Variants in SCARB2 observed in about 807,000 individuals in gnomAD.
SCARB2 encodes the protein scavenger receptor class B member 2.
SCARB2 carries 29 observed loss-of-function variants against 58.6 expected under a neutral mutation model. The observed-to-expected ratio is 0.49, with a 90% CI of 0.37 to 0.67. The LOEUF (loss-of-function observed/expected upper bound fraction) is 0.67. SCARB2 is among the 30% of genes least tolerant of loss of function. The probability of loss-of-function intolerance (pLI) is 0.00; values close to 1 mark genes in which losing one functional copy is unlikely to be tolerated. For missense variants in SCARB2, 488 were observed against 578.5 expected, an observed-to-expected ratio of 0.84 and a Z score of 1.60; for synonymous variants, 195 against 210.1, an observed-to-expected ratio of 0.93 and a Z score of 0.62.
rs144516817 is a variant in SCARB2, at chr4:76,188,286, T to G, written c.276-7185A>C. 1.1e-4 allele frequency among the ~76,000 whole-genome samples: 17 copies of G among 152,374 alleles called. No individual in the cohort carries two copies. The East Asian group carries it at 3.1e-3, about 28-fold the overall frequency. On this transcript the variant is annotated intron_variant, in intron 2 of 11. Coordinates refer to ENST00000264896, the MANE Select transcript of SCARB2 (RefSeq NM_005506.4). ...AAAGGATCATGAGGCCAATGAGCCT[T>G]GTATTCACAGACCCATTCCAGGGCT... is the stretch of plus-strand genomic sequence containing the variant.
intron 1 of SCARB2, among the ~76,000 whole-genome samples, chr4:76,227,058 T>C (rs1269171037): frequency 1.3e-5 from 2 of 152,164 alleles, no homozygotes; most frequent in Non-Finnish European, 2.9e-5. Flanking sequence ...ATTTCTTTTC[T>C]TCTGCTGGGT....
At chr4:76,181,233 T>G in intron 2 of SCARB2, 132 bp from the exon 3 acceptor site, 11 of 844,924 alleles carry the variant, frequency 1.3e-5, no homozygotes, top group Non-Finnish European at 2.0e-5. Context: ...AGACTGCAGC[T>G]ACTAAGCCTT....
At chr4:76,210,285 T>C (rs1334160209) in intron 1 of SCARB2, among the ~76,000 whole-genome samples, 1 of 152,208 alleles carries the variant, frequency 6.6e-6, no homozygotes, top group Non-Finnish European at 1.5e-5. Flanking sequence ...CCACTGTGCT[T>C]GTTCAGCTTA....
intron 5 of SCARB2, chr4:76,176,135 G>A (rs763776577): frequency 1.3e-4 from 81 of 621,116 alleles, no homozygotes; most frequent in Admixed American, 4.4e-4. Context: ...ACATGTGGTG[G>A]TTTGAAAAGT....
intron 7 of SCARB2, chr4:76,173,597 C>A: frequency 6.3e-6 from 1 of 157,774 alleles, no homozygotes; most frequent in South Asian, 1.8e-4. Context: ...CTCGGCCTCT[C>A]AAAGTGCTGG....
At position 76,220,252 on chromosome 4, in the gene SCARB2, C is replaced by T. The variant is rs143202897; in HGVS notation, c.-358+14051G>A. Among the ~76,000 whole-genome samples the T allele has an allele frequency of 2.2e-4, 33 of 152,226 alleles. No individual in the cohort carries two copies. In the East Asian group the frequency reaches 3.1e-3, roughly 14 times the overall value. ...GTTCACAATAGTCAAAAGGTGGAACCGACCCAAATGTCATCAGACAATAAT... is the reference window on the plus strand; with the variant it reads ...GTTCACAATAGTCAAAAGGTGGAACTGACCCAAATGTCATCAGACAATAAT... On this transcript the variant is annotated intron_variant, in intron 1 of 11. Coordinates refer to the SCARB2 transcript ENST00000638295.
At position 76,179,684 on chromosome 4, in the gene SCARB2, C is replaced by T. The variant is rs147159813; in HGVS notation, c.445G>A (p.Val149Met). The change falls in exon 4 of 12, where the codon GTG becomes ATG. Residue 149 changes from valine (V) to methionine (M), a missense_variant. Transcript: ENST00000264896. Reference sequence around the variant, plus strand: ...TCGATGATCTCCCTGAGGAAGTGCACCTGGGACCACTCTATGACAGTCTGC... The same window carrying T: ...TCGATGATCTCCCTGAGGAAGTGCATCTGGGACCACTCTATGACAGTCTGC... ...PVLTVIEWSQ[V>M]HFLREIIEAM... 2.8e-3 allele frequency: 4,539 copies of T among 1,613,778 alleles called. 21 individuals are homozygous for T. Among genetic ancestry groups the T allele is most frequent in the Non-Finnish European group, 3.4e-3 (4,034 of 1,179,808 alleles).
At chr4:76,179,755 C>T (rs1292165016) in intron 3 of SCARB2, 50 bp from the exon 4 acceptor site, 1 of 1,377,048 alleles carries the variant, frequency 7.3e-7, no homozygotes, top group Non-Finnish European at 1.0e-6. Flanking sequence ...CAAAGCACCT[C>T]CATCCACTCT....
chr4:76,169,863 T>C lies in SCARB2; in HGVS notation c.1113+4A>G. On this transcript the variant is annotated splice_donor_region_variant and intron_variant, in intron 8 of 11. Transcript: ENST00000264896. ...TCTTTTACCAGGAGGAAGTATGTACTCACAGGATTAATGTCCACAAATGTC... is the reference window on the plus strand; with the variant it reads ...TCTTTTACCAGGAGGAAGTATGTACCCACAGGATTAATGTCCACAAATGTC... 1 of 1,599,780 alleles carries C rather than the reference T, an allele frequency of 6.3e-7. No individual in the cohort carries two copies. Among genetic ancestry groups the C allele is most frequent in the Non-Finnish European group, 8.6e-7 (1 of 1,166,966 alleles).
chr4:76,207,134 A>G (rs1732945995), intron 1 of SCARB2, among the ~76,000 whole-genome samples: 3 of 152,248 alleles, frequency 2.0e-5, no homozygotes, highest in African/African-American at 7.2e-5. Context: ...CAAGGTCAAA[A>G]CTATTTTAAT....
intron 1 of SCARB2, among the ~76,000 whole-genome samples, chr4:76,232,997 G>T (rs942858295): frequency 6.6e-6 from 1 of 152,114 alleles, no homozygotes; most frequent in Non-Finnish European, 1.5e-5. Flanking sequence ...CCAGTTGTTT[G>T]AACCTTCAGC....
intron 4 of SCARB2, 159 bp from the exon 5 acceptor site, chr4:76,176,687 G>C: frequency 1.7e-6 from 1 of 605,610 alleles, no homozygotes; most frequent in Non-Finnish European, 2.9e-6. Flanking sequence ...TTAACTTTAA[G>C]GGAGGTTACC....
chr4:76,167,662 C>G (rs1732036092), intron 9 of SCARB2, among the ~76,000 whole-genome samples: 1 of 105,644 alleles, frequency 9.5e-6, no homozygotes, highest in Non-Finnish European at 1.9e-5. Context: ...CTTTCCTTTC[C>G]CTCCCTCCCT....
In SCARB2 at chr4:76,176,660, T is replaced by C; in HGVS notation, c.613-132A>G. On this transcript the variant is annotated intron_variant, in intron 4 of 11. Coordinates refer to ENST00000264896, the MANE Select transcript of SCARB2 (RefSeq NM_005506.4). The stretch of plus-strand genomic sequence containing the variant: ...TGGTGAAGGTATTTTGTAGGTGTGA[T>C]TAATATCTACAATCCGTTAACTTTA... 3 of 662,442 alleles carry C rather than the reference T, an allele frequency of 4.5e-6. No homozygotes were observed. In the Admixed American group the frequency reaches 7.6e-5, roughly 17 times the overall value. The allele number at this position is 662,442 out of a possible 1,614,324, so 41.0% of individuals were successfully genotyped here.
intron 2 of SCARB2, chr4:76,192,066 C>T (rs1732617989): frequency 6.6e-6 from 1 of 152,116 alleles, no homozygotes; most frequent in Admixed American, 6.6e-5. Context: ...CCACCATGCC[C>T]AGGAAGGTTA....
At chr4:76,214,027 C>T (rs938561522), upstream of SCARB2, 6 of 269,382 alleles carry the variant, frequency 2.2e-5, no homozygotes, top group Admixed American at 5.5e-5. Context: ...CCAGGCCCGG[C>T]CTGGCCGCTC....
At chr4:76,212,481 C>T (rs549593856) in intron 1 of SCARB2, among the ~76,000 whole-genome samples, 77 of 152,334 alleles carry the variant, frequency 5.1e-4, no homozygotes, top group African/African-American at 1.7e-3. Context: ...TCAAAGTAGA[C>T]TAGGCCTGGG....
chr4:76,160,286 T>C lies in SCARB2; in HGVS notation c.*1427A>G, dbSNP rs917925799. The C allele has an allele frequency of 1.1e-4, 16 of 152,242 alleles. No homozygotes were observed. The highest frequency in any genetic ancestry group is 3.4e-4 in the African/African-American group (14 of 41,466). 9.4% of individuals were successfully genotyped at this position (152,242 alleles called of 1,614,324 possible). The stretch of plus-strand genomic sequence containing the variant: ...AAAAAAATCCTTTTGAATGGTTCAG[T>C]TGTTAAGAAATTCTATAAGCACTTT... On this transcript the variant is annotated 3_prime_UTR_variant, in exon 12 of 12. Transcript: ENST00000264896.
In SCARB2 at chr4:76,221,162, G is replaced by A. The variant is rs537575518; in HGVS notation, c.-358+13141C>T. On this transcript the variant is annotated intron_variant, in intron 1 of 11. Transcript: ENST00000638295. The stretch of plus-strand genomic sequence containing the variant: ...ACAGGAAGAAAAACCCATTGTGGCA[G>A]GGGAAGGGGACAGGCTTTCTCCTCT... Among the ~76,000 whole-genome samples, 12 of 152,312 alleles carry A rather than the reference G, an allele frequency of 7.9e-5. No individual in the cohort carries two copies. The East Asian group carries it at 2.3e-3, about 29-fold the overall frequency.
Sources: allele counts gnomAD v4.1 joint callset (sites outside exome capture counted in the v4.1 genomes callset), GRCh38; gene constraint gnomAD v4.1.1; transcripts MANE v1.5; gene names NCBI Gene and HGNC (gene_info 2026-07-23, HGNC 2026-07-21).